ZNF566: variants seen among roughly 807,000 people sequenced by gnomAD.
ZNF566 encodes zinc finger protein 566.
Under a neutral mutation model 32.8 loss-of-function variants are expected in ZNF566, and 27 were observed. The ratio of observed to expected loss-of-function variants is 0.82; its 90% CI spans 0.61 to 1.14. ZNF566 has a LOEUF of 1.14. Ranked by LOEUF, ZNF566 falls within the 50% of genes most tolerant of loss-of-function variation. ZNF566 has a pLI of 0.00. For synonymous variants in ZNF566, 154 were observed against 159.5 expected (o/e 0.97, Z 0.26); for missense variants, 402 against 490.4 (o/e 0.82, Z 1.70).
In ZNF566 at chr19:36,476,532, A is replaced by C. The variant is rs1447189530; in HGVS notation, c.9+17T>G. 1.9e-6 allele frequency: 3 copies of C among 1,610,828 alleles called. No homozygotes were observed. Among genetic ancestry groups the C allele is most frequent in the South Asian group, 1.1e-5 (1 of 90,736 alleles). ...GTAAAAATCACTCTATCTGAGCAAA[A>C]GGAAACAGTATCTCACCTGAGCCAT... is the stretch of plus-strand genomic sequence containing the variant. On this transcript the variant is annotated intron_variant, in intron 2 of 4. Transcript: ENST00000452939.
intron 4 of ZNF566, among the ~76,000 whole-genome samples, chr19:36,453,291 T>C (rs2033210041): frequency 6.6e-6 from 1 of 150,562 alleles, no homozygotes; most frequent in Non-Finnish European, 1.5e-5. Flanking sequence ...TGGCCAACAT[T>C]GTGAAACCCT....
intron 4 of ZNF566, among the ~76,000 whole-genome samples, chr19:36,461,357 A>G (rs186118064): frequency 3.3e-5 from 5 of 152,308 alleles, no homozygotes; most frequent in Admixed American, 2.6e-4. Context: ...AACTTCAGAA[A>G]TTATACCAAG....
intron 1 of ZNF566, among the ~76,000 whole-genome samples, chr19:36,477,007 AT>A (rs372994203): frequency 0.016 from 2,451 of 149,982 alleles, 66 homozygotes; most frequent in African/African-American, 0.056. Flanking sequence ...ATATAACTTA[AT>A]TTTTTTTTTC....
intron 4 of ZNF566, among the ~76,000 whole-genome samples, chr19:36,463,690 G>A (rs2033539536): frequency 6.6e-6 from 1 of 150,466 alleles, no homozygotes; most frequent in Non-Finnish European, 1.5e-5. Context: ...CAACAGGTGT[G>A]CGCCACCACA....
chr19:36,477,726 A>C (rs1419199612), intron 1 of ZNF566, among the ~76,000 whole-genome samples: 1 of 151,728 alleles, frequency 6.6e-6, no homozygotes, highest in Non-Finnish European at 1.5e-5. Context: ...TTTAGTAGAG[A>C]CGGGTTTCAC....
In ZNF566 at chr19:36,473,005, C is replaced by A. The variant is rs758279427; in HGVS notation, c.138G>T (p.Gly46=). Reference sequence around the variant, plus strand: ...TCACATTTGGTTTAGAAATAGAATGCCCTGCTTACAAAAGAAGTAACAAAA... The same window carrying A: ...TCACATTTGGTTTAGAAATAGAATGACCTGCTTACAAAAGAAGTAACAAAA... The part of the protein sequence containing the change: ...LENYSNLVSM[G]HSISKPNVIS... The change falls in exon 4 of 5, where the codon GGG becomes GGT. Residue 46 remains glycine, a splice_region_variant and synonymous_variant. Coordinates refer to ENST00000452939, the MANE Select transcript of ZNF566 (RefSeq NM_001145344.1). 5.6e-6 allele frequency: 9 copies of A among 1,610,790 alleles called. No individual in the cohort carries two copies. Among genetic ancestry groups the A allele is most frequent in the Non-Finnish European group, 7.6e-6 (9 of 1,178,932 alleles).
chr19:36,461,922 C>T (rs1370703319), intron 4 of ZNF566, among the ~76,000 whole-genome samples: 3 of 151,386 alleles, frequency 2.0e-5, no homozygotes, highest in African/African-American at 7.3e-5. Flanking sequence ...TATTTAGGGA[C>T]AGATCCACAT....
In ZNF566 at chr19:36,445,556, A is replaced by C. The variant is rs983283414; in HGVS notation, c.*3421T>G. On this transcript the variant is annotated 3_prime_UTR_variant, in exon 5 of 5. Transcript: ENST00000452939. ...GAAATGACGCCGGGTGCGGTGGCTC[A>C]TGCCTATAATGCCAGCACTTTGGGA... The C allele has an allele frequency of 6.6e-6, 1 of 152,226 alleles. No homozygotes were observed. Among genetic ancestry groups the C allele is most frequent in the Non-Finnish European group, 1.5e-5 (1 of 68,060 alleles). 9.4% of individuals were successfully genotyped at this position (152,226 alleles called of 1,614,324 possible). A position where few individuals can be genotyped will look rare whatever the true frequency, so the allele number is the denominator to read the frequency against.
intron 1 of ZNF566, among the ~76,000 whole-genome samples, chr19:36,486,112 C>T (rs1162375024): frequency 2.0e-5 from 3 of 151,980 alleles, no homozygotes; most frequent in Admixed American, 6.6e-5. Flanking sequence ...AAATAACTGG[C>T]CAGTACTCTT....
At chr19:36,470,559 C>A (rs1026404767) in intron 4 of ZNF566, among the ~76,000 whole-genome samples, 5 of 152,192 alleles carry the variant, frequency 3.3e-5, no homozygotes, top group Non-Finnish European at 7.3e-5. Context: ...TGCTAAACAG[C>A]CACTCTGCTT....
intron 4 of ZNF566, among the ~76,000 whole-genome samples, chr19:36,455,088 T>C (rs769288530): frequency 3.3e-5 from 5 of 152,190 alleles, no homozygotes; most frequent in Admixed American, 1.3e-4. Context: ...AAGCAATCAA[T>C]GTGATACACC....
Position 36,458,977 on chromosome 19 carries a change from C to T in ZNF566, c.233-8976G>A, listed in dbSNP as rs568107743. On this transcript the variant is annotated intron_variant, in intron 4 of 4. Coordinates refer to ENST00000452939, the MANE Select transcript of ZNF566 (RefSeq NM_001145344.1). ...TAAGTGCTTCTCTTGCCTCAGCCTC[C>T]CAGGTAGCTGGGATTACAGGCATGC... Among the ~76,000 whole-genome samples the T allele has an allele frequency of 6.6e-5, 10 of 152,318 alleles. No homozygotes were observed. The East Asian group carries it at 1.7e-3, about 26-fold the overall frequency.
Position 36,480,685 on chromosome 19 carries a change from A to C in ZNF566, c.-59-4069T>G, listed in dbSNP as rs559415740. On this transcript the variant is annotated intron_variant, in intron 1 of 4. Coordinates refer to ENST00000452939, the MANE Select transcript of ZNF566 (RefSeq NM_001145344.1). Reference sequence around the variant, plus strand: ...AAAAAAATTAACCTTTACCCCATACATAAGAATTAATTTAAGAGGGATCAC... The same window carrying C: ...AAAAAAATTAACCTTTACCCCATACCTAAGAATTAATTTAAGAGGGATCAC... Among the ~76,000 whole-genome samples the C allele has an allele frequency of 1.3e-4, 18 of 142,242 alleles. No individual in the cohort carries two copies. The East Asian group carries it at 3.3e-3, about 26-fold the overall frequency. The allele number at this position is 142,242 out of a possible 152,430, so 93.3% of individuals were successfully genotyped here.
intron 2 of ZNF566, 93 bp downstream of exon 2, chr19:36,476,456 A>G (rs2033888693): frequency 2.2e-6 from 2 of 923,220 alleles, no homozygotes; most frequent in Non-Finnish European, 3.2e-6. Context: ...TTGTTTTTCT[A>G]ACATCAAAAA....
intron 1 of ZNF566, among the ~76,000 whole-genome samples, chr19:36,484,587 CTT>C (rs34052223): frequency 2.2e-4 from 25 of 111,914 alleles, no homozygotes; most frequent in African/African-American, 6.2e-4. Context: ...GGCATAGTTT[CTT>C]TTTTTTTTTT....
intron 4 of ZNF566, among the ~76,000 whole-genome samples, chr19:36,461,932 T>A (rs2033473884): frequency 6.6e-6 from 1 of 151,898 alleles, no homozygotes; most frequent in Non-Finnish European, 1.5e-5. Context: ...CAGATCCACA[T>A]ATATTCGGGC....
intron 4 of ZNF566, among the ~76,000 whole-genome samples, chr19:36,464,308 T>C (rs2033557943): frequency 6.6e-6 from 1 of 152,028 alleles, no homozygotes. Context: ...GACGGAGTTT[T>C]CATTTGAGAG....
chr19:36,475,412 C>T (rs2033860296), intron 2 of ZNF566, among the ~76,000 whole-genome samples: 1 of 152,114 alleles, frequency 6.6e-6, no homozygotes, highest in Non-Finnish European at 1.5e-5. Flanking sequence ...CACTCTCAAA[C>T]ATAAAAGGCT....
At chr19:36,457,633 T>C (rs1016455977) in intron 4 of ZNF566, among the ~76,000 whole-genome samples, 3 of 152,326 alleles carry the variant, frequency 2.0e-5, no homozygotes, top group African/African-American at 7.2e-5. Context: ...GGCTCAGGCC[T>C]GTAATCCCAG....
Sources: allele counts gnomAD v4.1 joint callset (sites outside exome capture counted in the v4.1 genomes callset), GRCh38; gene constraint gnomAD v4.1.1; transcripts MANE v1.5; gene names NCBI Gene and HGNC (gene_info 2026-07-23, HGNC 2026-07-21).